The following KCNJ3 variants were observed in gnomAD, a reference collection of about 807,000 sequenced individuals.
The protein encoded by KCNJ3 is G protein-activated inward rectifier potassium channel 1.
KCNJ3 carries 4 observed loss-of-function variants against 39.2 expected under a neutral mutation model. The ratio of observed to expected loss-of-function variants is 0.10; its 90% CI spans 0.05 to 0.23. The LOEUF (loss-of-function observed/expected upper bound fraction) is 0.23, where lower values mean the gene tolerates loss of function less well. Ranked by LOEUF, KCNJ3 falls within the 10% of genes least tolerant of loss-of-function variation. KCNJ3 has a pLI of 1.00. For missense variants in KCNJ3, 276 were observed against 634.9 expected (o/e 0.43, Z 6.08); for synonymous variants, 230 against 237.4 (o/e 0.97, Z 0.29).
chr2:154,812,453 AT>A (rs1324937767), intron 2 of KCNJ3, among the ~76,000 whole-genome samples: 1 of 152,098 alleles, frequency 6.6e-6, no homozygotes, highest in Non-Finnish European at 1.5e-5. Flanking sequence ...TCTTTAAAAA[AT>A]CTCTAGCTAA....
intron 2 of KCNJ3, among the ~76,000 whole-genome samples, chr2:154,850,292 A>T (rs1687737263): frequency 6.6e-6 from 1 of 152,080 alleles, no homozygotes; most frequent in Non-Finnish European, 1.5e-5. Flanking sequence ...TTATGAATCT[A>T]AGCATGGATT....
intron 2 of KCNJ3, among the ~76,000 whole-genome samples, chr2:154,722,838 C>T (rs919885895): frequency 1.3e-4 from 20 of 152,128 alleles, no homozygotes; most frequent in African/African-American, 4.6e-4. Context: ...GAAGTTTGAA[C>T]AAGTATCCAC....
chr2:154,792,835 C>A (rs761471036), intron 2 of KCNJ3, among the ~76,000 whole-genome samples: 3 of 152,090 alleles, frequency 2.0e-5, no homozygotes, highest in Non-Finnish European at 4.4e-5. Context: ...ATACTTCAAT[C>A]CACTTGGCAA....
intron 2 of KCNJ3, among the ~76,000 whole-genome samples, chr2:154,786,546 A>G (rs998988000): frequency 3.3e-5 from 5 of 152,208 alleles, no homozygotes; most frequent in African/African-American, 1.2e-4. Flanking sequence ...TGTTGTTTTC[A>G]GTCAGTCAAA....
At chr2:154,747,684 A>G (rs1453353590) in intron 2 of KCNJ3, among the ~76,000 whole-genome samples, 1 of 152,070 alleles carries the variant, frequency 6.6e-6, no homozygotes, top group Non-Finnish European at 1.5e-5. Context: ...GAAAAAGACA[A>G]ATAGCCCTGC....
At chr2:154,847,706 CTTAAT>C (rs1379740025) in intron 2 of KCNJ3, among the ~76,000 whole-genome samples, 4 of 152,146 alleles carry the variant, frequency 2.6e-5, no homozygotes, top group African/African-American at 9.7e-5. Context: ...ACATATGTCA[CTTAAT>C]TTCATTTAAT....
chr2:154,704,365 C>A (rs529736388), intron 1 of KCNJ3, among the ~76,000 whole-genome samples: 2 of 151,988 alleles, frequency 1.3e-5, no homozygotes, highest in Non-Finnish European at 2.9e-5. Flanking sequence ...GGTTACGAAG[C>A]CTGTCCTCAA....
intron 2 of KCNJ3, among the ~76,000 whole-genome samples, chr2:154,826,836 CA>C (rs1281327235): frequency 1.3e-5 from 2 of 152,128 alleles, no homozygotes; most frequent in African/African-American, 2.4e-5. Flanking sequence ...GTGTGGATGT[CA>C]GGGGCGGGGT....
chr2:154,832,827 T>C (rs533131700), intron 2 of KCNJ3, among the ~76,000 whole-genome samples: 15 of 152,294 alleles, frequency 9.8e-5, no homozygotes, highest in African/African-American at 3.6e-4. Flanking sequence ...GCACAGAAAA[T>C]CTACGTATTT....
intron 2 of KCNJ3, among the ~76,000 whole-genome samples, chr2:154,755,410 G>A (rs1257686484): frequency 6.6e-6 from 1 of 151,292 alleles, no homozygotes; most frequent in Non-Finnish European, 1.5e-5. Context: ...GAGCTTTGTT[G>A]CTAAATTTTC....
At chr2:154,794,665 A>C (rs1686689702) in intron 2 of KCNJ3, among the ~76,000 whole-genome samples, 1 of 152,044 alleles carries the variant, frequency 6.6e-6, no homozygotes, top group African/African-American at 2.4e-5. Flanking sequence ...AGTCATAATG[A>C]ATCTCATTGA....
At chr2:154,812,725 AG>A (rs541005049) in intron 2 of KCNJ3, among the ~76,000 whole-genome samples, 18 of 152,274 alleles carry the variant, frequency 1.2e-4, no homozygotes, top group African/African-American at 4.3e-4. Context: ...GAGTTGATAT[AG>A]GCTTTTCAAA....
intron 2 of KCNJ3, among the ~76,000 whole-genome samples, chr2:154,738,571 C>G (rs1437106060): frequency 6.6e-6 from 1 of 151,788 alleles, no homozygotes; most frequent in Non-Finnish European, 1.5e-5. Flanking sequence ...AAATTAAAAA[C>G]TATATACTAC....
intron 2 of KCNJ3, among the ~76,000 whole-genome samples, chr2:154,846,288 T>C (rs1368619488): frequency 6.6e-6 from 1 of 152,186 alleles, no homozygotes; most frequent in Non-Finnish European, 1.5e-5. Flanking sequence ...ATTCTATGCA[T>C]TGATCTGTTT....
intron 2 of KCNJ3, among the ~76,000 whole-genome samples, chr2:154,733,348 T>A (rs3111036): frequency 0.45 from 69,032 of 151,830 alleles, 15,885 homozygotes; most frequent in African/African-American, 0.49. Flanking sequence ...TTTCACTGAG[T>A]TACAATGAAC....
At chr2:154,758,364 A>G (rs1027841319) in intron 2 of KCNJ3, among the ~76,000 whole-genome samples, 3 of 152,182 alleles carry the variant, frequency 2.0e-5, no homozygotes, top group Admixed American at 1.3e-4. Flanking sequence ...AGGGATTGCT[A>G]TGAGGACCTC....
At chr2:154,833,943 TC>T (rs1182422608) in intron 2 of KCNJ3, among the ~76,000 whole-genome samples, 1 of 152,160 alleles carries the variant, frequency 6.6e-6, no homozygotes, top group Non-Finnish European at 1.5e-5. Context: ...TGAAGGCATC[TC>T]CATGGCTTCC....
At position 154,856,414 on chromosome 2, in the gene KCNJ3, C is replaced by A. The variant is rs1290452720; in HGVS notation, c.*1101C>A. ...TTAAAAACCAATCATTTTAAGAAGA[C>A]ATGACAATGCAATGAAACAGATGAT... is the stretch of plus-strand genomic sequence containing the variant. On this transcript the variant is annotated 3_prime_UTR_variant, in exon 3 of 3. Coordinates refer to ENST00000295101, the MANE Select transcript of KCNJ3 (RefSeq NM_002239.4). The A allele has an allele frequency of 2.0e-5, 3 of 152,530 alleles. No individual in the cohort carries two copies. Among genetic ancestry groups the A allele is most frequent in the African/African-American group, 4.8e-5 (2 of 41,442 alleles). 9.4% of individuals were successfully genotyped at this position (152,530 alleles called of 1,614,324 possible).
intron 2 of KCNJ3, among the ~76,000 whole-genome samples, chr2:154,760,449 T>A (rs1469165938): frequency 6.6e-6 from 1 of 152,158 alleles, no homozygotes; most frequent in East Asian, 1.9e-4. Flanking sequence ...AATTTATTGG[T>A]CTCTTCCTTT....
Sources: gnomAD v4.1 joint callset for allele counts (sites outside exome capture counted in the v4.1 genomes callset) on GRCh38, gnomAD v4.1.1 for gene constraint, MANE v1.5 for transcripts, NCBI Gene and HGNC (gene_info 2026-07-23, HGNC 2026-07-21) for gene names.